Variants in NECAB1 observed in about 807,000 individuals in gnomAD.
NECAB1 encodes N-terminal EF-hand calcium binding protein 1.
Under a neutral mutation model 57.5 loss-of-function variants are expected in NECAB1, and 29 were observed. The observed-to-expected ratio is 0.50, with a 90% CI of 0.38 to 0.69. The LOEUF is 0.69. Ranked by LOEUF, NECAB1 falls within the 30% of genes least tolerant of loss-of-function variation. The probability of loss-of-function intolerance (pLI) is 0.00; values close to 1 mark genes in which losing one functional copy is unlikely to be tolerated. For synonymous variants in NECAB1, 142 were observed against 147.7 expected (o/e 0.96, Z 0.28); for missense variants, 372 against 413.8 (o/e 0.90, Z 0.88).
intron 3 of NECAB1, among the ~76,000 whole-genome samples, chr8:90,831,350 C>G (rs1812296525): frequency 6.6e-6 from 1 of 152,058 alleles, no homozygotes; most frequent in Admixed American, 6.6e-5. Context: ...TGAATAGATG[C>G]CAGGCAGGCA....
intron 3 of NECAB1, among the ~76,000 whole-genome samples, chr8:90,870,449 A>G (rs1044530651): frequency 1.3e-5 from 2 of 152,102 alleles, no homozygotes; most frequent in African/African-American, 4.8e-5. Context: ...TTATTGATCT[A>G]TGTTCTAACT....
chr8:90,810,677 C>A (rs865908431), intron 2 of NECAB1, among the ~76,000 whole-genome samples: 7 of 152,012 alleles, frequency 4.6e-5, no homozygotes, highest in Non-Finnish European at 8.8e-5. Flanking sequence ...TCTTCACTTG[C>A]GAACTAAGGA....
intron 4 of NECAB1, among the ~76,000 whole-genome samples, chr8:90,879,334 A>C (rs923059512): frequency 7.3e-5 from 11 of 151,186 alleles, no homozygotes; most frequent in Non-Finnish European, 1.3e-4. Context: ...GATCAGAGGC[A>C]CATACCACCA....
chr8:90,909,951 A>G (rs189377406), intron 5 of NECAB1, among the ~76,000 whole-genome samples: 11 of 152,074 alleles, frequency 7.2e-5, no homozygotes, highest in African/African-American at 2.4e-4. Context: ...TATTCTTTGT[A>G]TATTCAACAT....
chr8:90,922,486 A>ATTTTT (rs577951495), intron 6 of NECAB1, among the ~76,000 whole-genome samples: 9,083 of 57,392 alleles, frequency 0.16, 2,434 homozygotes, highest in African/African-American at 0.39. Context: ...AAAAACTTGG[A>ATTTTT]TTTTTTTTTT....
chr8:90,794,803 TAAA>T (rs1239442520), intron 1 of NECAB1, among the ~76,000 whole-genome samples: 3 of 152,238 alleles, frequency 2.0e-5, no homozygotes, highest in African/African-American at 7.2e-5. Context: ...CTGAGTGTAT[TAAA>T]TAACAGTAAC....
At chr8:90,930,091 T>C (rs574606425) in intron 8 of NECAB1, among the ~76,000 whole-genome samples, 1 of 152,120 alleles carries the variant, frequency 6.6e-6, no homozygotes, top group Non-Finnish European at 1.5e-5. Context: ...TTAAAACAAA[T>C]GCAAAATGGG....
In NECAB1 at chr8:90,830,441, C is replaced by T. The variant is rs147351860; in HGVS notation, c.233+5616C>T. Among the ~76,000 whole-genome samples, 397 of 152,118 alleles carry T rather than the reference C, an allele frequency of 2.6e-3. 2 individuals are homozygous for T. Among genetic ancestry groups the T allele is most frequent in the African/African-American group, 9.1e-3 (376 of 41,518 alleles). On this transcript the variant is annotated intron_variant, in intron 3 of 12. Coordinates refer to ENST00000417640, the MANE Select transcript of NECAB1 (RefSeq NM_022351.5). ...ATGGTGTGGCTATATATCAAGAGAA[C>T]AAAGTAAAGATCAAAGTCCAGAGTA... is the stretch of plus-strand genomic sequence containing the variant.
intron 2 of NECAB1, among the ~76,000 whole-genome samples, chr8:90,822,271 A>G (rs978189031): frequency 1.3e-5 from 2 of 151,980 alleles, no homozygotes; most frequent in Non-Finnish European, 2.9e-5. Flanking sequence ...TAATTGCTTT[A>G]TAAATACAGA....
chr8:90,795,561 A>G (rs1268332464), intron 1 of NECAB1, among the ~76,000 whole-genome samples: 1 of 152,230 alleles, frequency 6.6e-6, no homozygotes, highest in Non-Finnish European at 1.5e-5. Context: ...TCACAAGGAC[A>G]CTTAATTCTG....
At chr8:90,953,043 C>G (rs866492910) in intron 12 of NECAB1, among the ~76,000 whole-genome samples, 1 of 152,272 alleles carries the variant, frequency 6.6e-6, no homozygotes, top group Middle Eastern at 3.4e-3. Context: ...GTCAAAATTT[C>G]CACGAAGTCC....
At chr8:90,906,874 C>CATATATATATATATGTATATATATATAT (rs1290352726) in intron 5 of NECAB1, among the ~76,000 whole-genome samples, 6 of 42,654 alleles carry the variant, frequency 1.4e-4, no homozygotes, top group African/African-American at 1.3e-3. Flanking sequence ...ATATGATATA[C>CATATATATATATATGTATATATATATAT]ACATATATAT....
chr8:90,862,508 A>C (rs538893664), intron 3 of NECAB1, among the ~76,000 whole-genome samples: 1 of 152,266 alleles, frequency 6.6e-6, no homozygotes, highest in African/African-American at 2.4e-5. Context: ...TAGTTTTAGA[A>C]ACCTTAGTAA....
chr8:90,912,882 A>T lies in NECAB1; in HGVS notation c.358-4610A>T, dbSNP rs571340534. 1.5e-4 allele frequency among the ~76,000 whole-genome samples: 23 copies of T among 151,586 alleles called. No individual in the cohort carries two copies. The East Asian group carries it at 3.7e-3, about 24-fold the overall frequency. ...AAGACAACCTTATCTTTGTAAAGTT[A>T]TTTTTTTTTCTGTTATAGAAGCTGC... On this transcript the variant is annotated intron_variant, in intron 5 of 12. Transcript: ENST00000417640.
chr8:90,935,514 A>C (rs1042690230), intron 9 of NECAB1, among the ~76,000 whole-genome samples: 1 of 152,130 alleles, frequency 6.6e-6, no homozygotes, highest in African/African-American at 2.4e-5. Flanking sequence ...GGTGTTGAGC[A>C]CATATACATA....
At chr8:90,840,128 C>CAT (rs1306918172) in intron 3 of NECAB1, among the ~76,000 whole-genome samples, 2 of 152,122 alleles carry the variant, frequency 1.3e-5, no homozygotes, top group African/African-American at 4.8e-5. Context: ...TAATGGTTAA[C>CAT]ATATATGGCT....
chr8:90,841,083 T>C (rs1812446928), intron 3 of NECAB1, among the ~76,000 whole-genome samples: 1 of 149,048 alleles, frequency 6.7e-6, no homozygotes. Flanking sequence ...TGTGAAACCC[T>C]GCCTCTACTA....
chr8:90,817,634 AT>A (rs1812080365), intron 2 of NECAB1, among the ~76,000 whole-genome samples: 1 of 151,852 alleles, frequency 6.6e-6, no homozygotes, highest in African/African-American at 2.4e-5. Context: ...TTAAATATCA[AT>A]TCAGCCTTCC....
intron 4 of NECAB1, among the ~76,000 whole-genome samples, chr8:90,873,712 C>T (rs1808661527): frequency 6.6e-6 from 1 of 152,154 alleles, no homozygotes; most frequent in Non-Finnish European, 1.5e-5. Context: ...AAGATAAAAA[C>T]ACTAAGTGGT....
Sources: gnomAD v4.1 joint callset for allele counts (sites outside exome capture counted in the v4.1 genomes callset) on GRCh38, gnomAD v4.1.1 for gene constraint, MANE v1.5 for transcripts, NCBI Gene and HGNC (gene_info 2026-07-23, HGNC 2026-07-21) for gene names.